The following DENND2A variants were observed in gnomAD, a reference collection of about 807,000 sequenced individuals.
DENND2A encodes DENN domain-containing protein 2A.
Under a neutral mutation model 105.3 loss-of-function variants are expected in DENND2A, and 53 were observed. The observed-to-expected ratio is 0.50, with a 90% CI of 0.40 to 0.63. The LOEUF (loss-of-function observed/expected upper bound fraction) is 0.63, where lower values mean the gene tolerates loss of function less well. Among genes scored for constraint, DENND2A ranks in the 30% least tolerant of loss-of-function variants. The pLI, the probability that DENND2A is intolerant of heterozygous loss-of-function variation, is 0.00. For synonymous variants in DENND2A, 522 were observed against 508.4 expected (o/e 1.03, Z -0.36); for missense variants, 1,138 against 1,279.6 (o/e 0.89, Z 1.69).
At position 140,518,676 on chromosome 7, in the gene DENND2A, C is replaced by T. The variant is rs761711360; in HGVS notation, c.*31G>A. ...ACTGTTTTTAAAGCATAGGGCTGCA[C>T]TAGGAGGAAGTTTTCCCTTGAGGCT... On this transcript the variant is annotated 3_prime_UTR_variant, in exon 20 of 20. Coordinates refer to ENST00000496613, the MANE Select transcript of DENND2A (RefSeq NM_015689.5). 1.9e-6 allele frequency: 3 copies of T among 1,609,726 alleles called. No homozygotes were observed. The South Asian group carries it at 3.3e-5, about 18-fold the overall frequency.
intron 14 of DENND2A, among the ~76,000 whole-genome samples, chr7:140,531,349 T>C (rs938513421): frequency 2.0e-5 from 3 of 152,202 alleles, no homozygotes; most frequent in East Asian, 3.8e-4. Context: ...GTGAGGATAG[T>C]TGTTTCTAGA....
chr7:140,527,262 C>T lies in DENND2A; in HGVS notation c.2505+56G>A. 1.3e-6 allele frequency: 2 copies of T among 1,489,852 alleles called. No individual in the cohort carries two copies. Among genetic ancestry groups the T allele is most frequent in the Non-Finnish European group, 1.8e-6 (2 of 1,111,574 alleles). 92.3% of individuals were successfully genotyped at this position (1,489,852 alleles called of 1,614,324 possible). A position where few individuals can be genotyped will look rare whatever the true frequency, so the allele number is the denominator to read the frequency against. On this transcript the variant is annotated intron_variant, in intron 15 of 19. Transcript: ENST00000496613. This position sits in a 1 kb window ranked among gnomAD's most constrained non-coding sequence, Gnocchi z 4.9. The stretch of plus-strand genomic sequence containing the variant: ...TCCATGATGCCTGCAGAGCCAGCGC[C>T]CCGCTCTGTTCTCCGCACCCTGCAG...
chr7:140,623,597 G>A lies in DENND2A; in HGVS notation c.-248+16907C>T, dbSNP rs528229415. 2.0e-3 allele frequency among the ~76,000 whole-genome samples: 308 copies of A among 151,616 alleles called. 1 individual carries two copies. The highest frequency in any genetic ancestry group is 7.0e-3 in the African/African-American group (291 of 41,338). ...ACAAAAATTAGCCAGGCATGGTGGCGGGCGCCTGTAATCCCAGCTACTCGG... is the reference window on the plus strand; with the variant it reads ...ACAAAAATTAGCCAGGCATGGTGGCAGGCGCCTGTAATCCCAGCTACTCGG... On this transcript the variant is annotated intron_variant, in intron 1 of 19. Transcript: ENST00000496613.
intron 1 of DENND2A, among the ~76,000 whole-genome samples, chr7:140,616,235 C>T (rs140148489): frequency 0.023 from 3,460 of 152,108 alleles, 123 homozygotes; most frequent in African/African-American, 0.076. Flanking sequence ...GGTGTGGTGG[C>T]GGGCGCCTGT....
At chr7:140,553,288 T>C (rs1430387571) in intron 12 of DENND2A, among the ~76,000 whole-genome samples, 1 of 152,200 alleles carries the variant, frequency 6.6e-6, no homozygotes, top group Non-Finnish European at 1.5e-5. Flanking sequence ...AATAAAGTGC[T>C]GTGCTTTTAG....
intron 1 of DENND2A, among the ~76,000 whole-genome samples, chr7:140,636,662 G>T (rs994109846): frequency 2.1e-4 from 27 of 128,398 alleles, no homozygotes; most frequent in Non-Finnish European, 3.2e-4. Flanking sequence ...AGTATCAGTT[G>T]TTTTGAATCT....
At chr7:140,604,348 A>C (rs78782193) in intron 2 of DENND2A, among the ~76,000 whole-genome samples, 5,080 of 152,388 alleles carry the variant, frequency 0.033, 146 homozygotes, top group African/African-American at 0.083. Flanking sequence ...AAACGCAAAC[A>C]CATTTTTTTG....
intron 11 of DENND2A, among the ~76,000 whole-genome samples, chr7:140,557,616 T>C (rs1203739877): frequency 7.9e-6 from 1 of 126,184 alleles, no homozygotes; most frequent in African/African-American, 2.9e-5. Context: ...CTCGACTCAC[T>C]GCAAGCTCCG....
chr7:140,518,912 T>C (rs1437230690), intron 19 of DENND2A, among the ~76,000 whole-genome samples, 174 bp from the exon 20 acceptor site: 3 of 152,166 alleles, frequency 2.0e-5, no homozygotes, highest in Non-Finnish European at 2.9e-5. Flanking sequence ...GAGATCCCCG[T>C]GGGGTCTTCC....
At chr7:140,529,045 C>T (rs1247790339) in intron 14 of DENND2A, among the ~76,000 whole-genome samples, 2 of 152,054 alleles carry the variant, frequency 1.3e-5, no homozygotes, top group African/African-American at 2.4e-5. Flanking sequence ...GCGGAGGTTG[C>T]AGTGAGCCGA....
chr7:140,624,227 C>T (rs1036860198), intron 1 of DENND2A, among the ~76,000 whole-genome samples: 4 of 152,218 alleles, frequency 2.6e-5, no homozygotes, highest in Admixed American at 1.3e-4. Flanking sequence ...CAGCCTTCCA[C>T]ATCCTCCTCC....
At chr7:140,622,501 A>G (rs1585775418) in intron 1 of DENND2A, among the ~76,000 whole-genome samples, 1 of 152,196 alleles carries the variant, frequency 6.6e-6, no homozygotes, top group African/African-American at 2.4e-5. Flanking sequence ...AAGTTTTCAC[A>G]GCCCCTCCTC....
intron 9 of DENND2A, among the ~76,000 whole-genome samples, chr7:140,561,199 C>T (rs1237911501): frequency 6.6e-6 from 1 of 151,986 alleles, no homozygotes; most frequent in African/African-American, 2.4e-5. Flanking sequence ...AGAAGCACCC[C>T]AGATACAAGT....
At chr7:140,592,904 A>G (rs1799122534) in intron 3 of DENND2A, among the ~76,000 whole-genome samples, 1 of 152,064 alleles carries the variant, frequency 6.6e-6, no homozygotes, top group Non-Finnish European at 1.5e-5. Context: ...TGCCCGGACC[A>G]CCTAGCATTA....
Position 140,621,033 on chromosome 7 carries a change from A to T in DENND2A, c.-247-15227T>A, listed in dbSNP as rs139755479. ...GTACATCCTCCCATATACTTAATTT[A>T]AAAACTTTTTTCAAGAGACAAGGTC... On this transcript the variant is annotated intron_variant, in intron 1 of 19. Transcript: ENST00000496613. Among the ~76,000 whole-genome samples, 308 of 152,240 alleles carry T rather than the reference A, an allele frequency of 2.0e-3. 1 individual carries two copies. The highest frequency in any genetic ancestry group is 7.1e-3 in the African/African-American group (293 of 41,542).
At chr7:140,560,365 T>C (rs1433005682) in intron 9 of DENND2A, among the ~76,000 whole-genome samples, 1 of 152,132 alleles carries the variant, frequency 6.6e-6, no homozygotes, top group Non-Finnish European at 1.5e-5. Flanking sequence ...AAGAAGGAAA[T>C]AAGCCCCGAG....
chr7:140,583,969 C>G (rs269236), intron 5 of DENND2A, among the ~76,000 whole-genome samples: 1 of 143,062 alleles, frequency 7.0e-6, no homozygotes, highest in Non-Finnish European at 1.5e-5. Context: ...AGGTCAGGTG[C>G]GGTGGCTCAC....
chr7:140,553,313 A>G (rs1797216109), intron 12 of DENND2A, among the ~76,000 whole-genome samples: 1 of 152,216 alleles, frequency 6.6e-6, no homozygotes, highest in Non-Finnish European at 1.5e-5. Context: ...GCATACACAT[A>G]AACATCTCAA....
At chr7:140,520,463 G>A (rs967647267) in intron 18 of DENND2A, among the ~76,000 whole-genome samples, 16 of 152,038 alleles carry the variant, frequency 1.1e-4, no homozygotes, top group Admixed American at 2.0e-4. Context: ...TGGCTGGATA[G>A]GCCATCTCTT....
Sources: gnomAD v4.1 joint callset for allele counts (sites outside exome capture counted in the v4.1 genomes callset) on GRCh38, gnomAD v4.1.1 for gene constraint, Gnocchi (gnomAD v3.1) non-coding constraint, MANE v1.5 for transcripts, NCBI Gene and HGNC (gene_info 2026-07-23, HGNC 2026-07-21) for gene names.